Variants in XYLT1 observed in about 807,000 individuals in gnomAD.
The protein encoded by XYLT1 is beta-D-xylosyltransferase 1.
A neutral mutation model predicts 91.3 loss-of-function variants in XYLT1; 36 were observed. The ratio of observed to expected loss-of-function variants is 0.39; its 90% CI spans 0.30 to 0.52. The LOEUF (loss-of-function observed/expected upper bound fraction) is 0.52. XYLT1 is among the 20% of genes least tolerant of loss of function. The probability of loss-of-function intolerance (pLI) is 0.68; values close to 1 mark genes in which losing one functional copy is unlikely to be tolerated. For synonymous variants in XYLT1, 588 were observed against 532.0 expected (o/e 1.11, Z -1.45); for missense variants, 1,242 against 1,284.5 (o/e 0.97, Z 0.51).
Position 17,332,561 on chromosome 16 carries a change from C to CACACAT in XYLT1, c.402+25445_402+25450dup, listed in dbSNP as rs992879302. 6.5e-3 allele frequency among the ~76,000 whole-genome samples: 767 copies of CACACAT among 117,238 alleles called. 8 individuals carry two copies. Among genetic ancestry groups the CACACAT allele is most frequent in the African/African-American group, 0.013 (420 of 32,554 alleles). The allele number at this position is 117,238 out of a possible 152,430, so 76.9% of individuals were successfully genotyped here. A position where few individuals can be genotyped will look rare whatever the true frequency, so the allele number is the denominator to read the frequency against. ...TGGGTGACAGAGCCAGAGTCCATCA[C>CACACAT]ACACATACACACACACACACACACA... On this transcript the variant is annotated intron_variant, in intron 2 of 11. Coordinates refer to ENST00000261381, the MANE Select transcript of XYLT1 (RefSeq NM_022166.4).
intron 2 of XYLT1, among the ~76,000 whole-genome samples, chr16:17,303,127 C>A (rs1275611556): frequency 6.6e-6 from 1 of 152,124 alleles, no homozygotes; most frequent in African/African-American, 2.4e-5. Flanking sequence ...CTACCATGTG[C>A]AAAGAATTGG....
At chr16:17,341,581 C>T (rs1289204029) in intron 2 of XYLT1, among the ~76,000 whole-genome samples, 2 of 152,018 alleles carry the variant, frequency 1.3e-5, no homozygotes, top group African/African-American at 4.8e-5. Flanking sequence ...CAGTTCTTGC[C>T]ATTACTTTTA....
At chr16:17,144,456 G>A (rs1289244705) in intron 6 of XYLT1, among the ~76,000 whole-genome samples, 1 of 152,206 alleles carries the variant, frequency 6.6e-6, no homozygotes. Flanking sequence ...GGGGACTAGG[G>A]CAAGGGTGAA....
At chr16:17,403,217 G>C (rs758742002) in intron 1 of XYLT1, among the ~76,000 whole-genome samples, 8 of 152,130 alleles carry the variant, frequency 5.3e-5, no homozygotes, top group Non-Finnish European at 1.0e-4. Flanking sequence ...CTCATATCCA[G>C]CCTTGGATGC....
intron 1 of XYLT1, among the ~76,000 whole-genome samples, chr16:17,373,928 T>C (rs993515435): frequency 1.3e-5 from 2 of 152,214 alleles, no homozygotes; most frequent in African/African-American, 4.8e-5. Flanking sequence ...GGAGTATTGA[T>C]TCCATCATCT....
intron 1 of XYLT1, among the ~76,000 whole-genome samples, chr16:17,382,829 T>G (rs1434408291): frequency 6.6e-6 from 1 of 151,836 alleles, no homozygotes; most frequent in East Asian, 2.0e-4. Context: ...CATTACTTCC[T>G]AGAGACCGCA....
intron 3 of XYLT1, among the ~76,000 whole-genome samples, chr16:17,231,042 C>G (rs910899628): frequency 6.6e-6 from 1 of 152,204 alleles, no homozygotes; most frequent in South Asian, 2.1e-4. Flanking sequence ...GATCATTTAT[C>G]TCATGACTTG....
chr16:17,191,975 G>A (rs897737567), intron 5 of XYLT1, among the ~76,000 whole-genome samples: 13 of 152,104 alleles, frequency 8.5e-5, no homozygotes, highest in African/African-American at 2.9e-4. Context: ...CAGACTGAAT[G>A]TGAACCCCGG....
chr16:17,252,222 G>A (rs943097275), intron 3 of XYLT1, among the ~76,000 whole-genome samples: 3 of 152,108 alleles, frequency 2.0e-5, no homozygotes, highest in African/African-American at 7.2e-5. Context: ...TCTCATTTCA[G>A]CCAACCACGC....
chr16:17,164,678 C>T lies in XYLT1; in HGVS notation c.1290-5769G>A, dbSNP rs2031637422. 3.9e-5 allele frequency among the ~76,000 whole-genome samples: 6 copies of T among 152,196 alleles called. No individual in the cohort carries two copies. In the South Asian group the frequency reaches 1.2e-3, roughly 31 times the overall value. On this transcript the variant is annotated intron_variant, in intron 5 of 11. Transcript: ENST00000261381. ...CTAGCACCATGTCCTCCAGGCTCAT[C>T]CATATTGTATCATACCTTAGAATTT...
intron 5 of XYLT1, among the ~76,000 whole-genome samples, chr16:17,174,157 CAAAA>C (rs1194923763): frequency 2.6e-5 from 4 of 152,146 alleles, no homozygotes; most frequent in Admixed American, 2.0e-4. Flanking sequence ...AAATAAAACA[CAAAA>C]GAAAGATATA....
At chr16:17,256,782 G>A (rs1023345558) in intron 3 of XYLT1, among the ~76,000 whole-genome samples, 1 of 152,180 alleles carries the variant, frequency 6.6e-6, no homozygotes, top group Non-Finnish European at 1.5e-5. Context: ...TTGACCATTT[G>A]CCTTCTCAGG....
At chr16:17,272,974 T>TG (rs2033918911) in intron 2 of XYLT1, among the ~76,000 whole-genome samples, 1 of 152,184 alleles carries the variant, frequency 6.6e-6, no homozygotes, top group Admixed American at 6.5e-5. Context: ...TGGGGGATGC[T>TG]GTTGGCAATG....
intron 11 of XYLT1, among the ~76,000 whole-genome samples, chr16:17,117,365 ATCTTG>A (rs1966854364): frequency 6.6e-6 from 1 of 152,138 alleles, no homozygotes. Context: ...TTTATTTCCC[ATCTTG>A]TCTTCAATAT....
chr16:17,189,816 G>A (rs149464260), intron 5 of XYLT1, among the ~76,000 whole-genome samples: 73 of 152,308 alleles, frequency 4.8e-4, no homozygotes, highest in Admixed American at 1.2e-3. Flanking sequence ...GGAGGCTGAG[G>A]TGGGTAGATC....
rs530487081 is a variant in XYLT1 at position 17,198,372 on chromosome 16, G to C, written c.1129C>G (p.Gln377Glu). 68 of 1,614,180 alleles carry C rather than the reference G, an allele frequency of 4.2e-5. 3 individuals carry two copies. In the Middle Eastern group the frequency reaches 8.3e-3, roughly 196 times the overall value. Residue 377 changes from glutamine to glutamate, a missense_variant, in exon 5 of 12, where the codon CAG becomes GAG. Gln to Glu is a conservative substitution (Grantham distance 29). Coordinates refer to ENST00000261381, the MANE Select transcript of XYLT1 (RefSeq NM_022166.4). ...LHRQVLQVSR[Q>E]YSNVRVTPWR... ...GGGGTGACGCGGACATTGCTGTACT[G>C]CCTGGAGACCTGGAGCACTTGCCGA...
intron 1 of XYLT1, among the ~76,000 whole-genome samples, chr16:17,389,297 G>A (rs138577001): frequency 6.6e-6 from 1 of 152,296 alleles, no homozygotes; most frequent in East Asian, 1.9e-4. Context: ...TCAGGCTGGA[G>A]TGCAGCGGCA....
chr16:17,393,509 T>C (rs1477990630), intron 1 of XYLT1, among the ~76,000 whole-genome samples: 1 of 152,162 alleles, frequency 6.6e-6, no homozygotes, highest in Non-Finnish European at 1.5e-5. Context: ...TCAATGCCTG[T>C]GTGTACACAT....
chr16:17,399,151 C>T (rs1166991229), intron 1 of XYLT1, among the ~76,000 whole-genome samples: 2 of 152,102 alleles, frequency 1.3e-5, no homozygotes, highest in Admixed American at 6.5e-5. Context: ...TACTGGAAAT[C>T]GGGACTTCAA....
Sources: allele counts gnomAD v4.1 joint callset (sites outside exome capture counted in the v4.1 genomes callset), GRCh38; gene constraint gnomAD v4.1.1; transcripts MANE v1.5; gene names NCBI Gene and HGNC (gene_info 2026-07-23, HGNC 2026-07-21).